PMFBP1: variants seen among roughly 807,000 people sequenced by gnomAD.
PMFBP1 encodes the protein polyamine modulated factor 1 binding protein 1.
PMFBP1 carries 131 observed loss-of-function variants against 137.8 expected under a neutral mutation model. The ratio of observed to expected loss-of-function variants is 0.95; its 90% CI spans 0.82 to 1.10. The LOEUF (loss-of-function observed/expected upper bound fraction) is 1.10. PMFBP1 is among the 50% of genes least tolerant of loss of function. PMFBP1 has a pLI of 0.00. For missense variants in PMFBP1, 1,199 were observed against 1,175.4 expected (o/e 1.02, Z -0.29); for synonymous variants, 490 against 450.4 (o/e 1.09, Z -1.11).
At chr16:72,199,084 C>T in the PMFBP1 span, among the ~76,000 whole-genome samples, 1 of 152,154 alleles carries the variant, frequency 6.6e-6, no homozygotes, top group African/African-American at 2.4e-5. Context: ...TGTGCTGTTG[C>T]AGGGAACTAG....
downstream of PMFBP1, among the ~76,000 whole-genome samples, chr16:72,117,476 C>T (rs1476590863): frequency 6.6e-6 from 1 of 152,098 alleles, no homozygotes; most frequent in Non-Finnish European, 1.5e-5. Context: ...AATTTTACTT[C>T]TTCCTTTCCA....
At chr16:72,215,350 C>T in the PMFBP1 span, among the ~76,000 whole-genome samples, 1 of 150,818 alleles carries the variant, frequency 6.6e-6, no homozygotes, top group Non-Finnish European at 1.5e-5. Flanking sequence ...GTAATAAATG[C>T]TTCCAGAGAG....
chr16:72,210,404 T>C, the PMFBP1 span, among the ~76,000 whole-genome samples: 1 of 152,118 alleles, frequency 6.6e-6, no homozygotes, highest in African/African-American at 2.4e-5. Flanking sequence ...CTTTAAAAAG[T>C]TAAATGAATC....
intron 2 of PMFBP1, among the ~76,000 whole-genome samples, chr16:72,170,328 G>C (rs1392777155): frequency 6.6e-6 from 1 of 151,990 alleles, no homozygotes; most frequent in East Asian, 1.9e-4. Flanking sequence ...CTCTTGGTAG[G>C]AGGTCTGTTA....
At chr16:72,210,467 C>T in the PMFBP1 span, among the ~76,000 whole-genome samples, 9 of 152,190 alleles carry the variant, frequency 5.9e-5, no homozygotes, top group African/African-American at 1.9e-4. Flanking sequence ...GAGAGAGCTA[C>T]ATCAAAGCCC....
At chr16:72,232,811 G>GA in the PMFBP1 span, among the ~76,000 whole-genome samples, 1 of 152,088 alleles carries the variant, frequency 6.6e-6, no homozygotes, top group Non-Finnish European at 1.5e-5. Flanking sequence ...GGGAGTTCTG[G>GA]TCAGCAAACA....
At chr16:72,202,333 T>A in the PMFBP1 span, among the ~76,000 whole-genome samples, 1 of 152,182 alleles carries the variant, frequency 6.6e-6, no homozygotes, top group Admixed American at 6.5e-5. Flanking sequence ...CACTGATGTA[T>A]CTCTTTTTAA....
At chr16:72,193,841 C>G in the PMFBP1 span, among the ~76,000 whole-genome samples, 2 of 152,198 alleles carry the variant, frequency 1.3e-5, no homozygotes, top group African/African-American at 4.8e-5. Flanking sequence ...ATCAGCATGG[C>G]GCACACATAC....
chr16:72,210,980 C>G, the PMFBP1 span, among the ~76,000 whole-genome samples: 1 of 152,138 alleles, frequency 6.6e-6, no homozygotes, highest in African/African-American at 2.4e-5. Context: ...CAAGTGGATT[C>G]TTTGCTAGGT....
chr16:72,166,111 C>A (rs1236751905), intron 2 of PMFBP1, among the ~76,000 whole-genome samples: 1 of 152,128 alleles, frequency 6.6e-6, no homozygotes. Flanking sequence ...AATCTAGGAA[C>A]TGAGGCTGGC....
chr16:72,210,891 A>T, the PMFBP1 span, among the ~76,000 whole-genome samples: 134 of 152,210 alleles, frequency 8.8e-4, no homozygotes, highest in Non-Finnish European at 1.6e-3. Context: ...TACTAAAATG[A>T]TCCAGTAGCC....
the PMFBP1 span, among the ~76,000 whole-genome samples, chr16:72,243,264 G>C: frequency 1.3e-5 from 2 of 152,134 alleles, no homozygotes; most frequent in Non-Finnish European, 2.9e-5. Context: ...GTGATGTTAT[G>C]TGCTGTCAAT....
At chr16:72,198,480 C>G in the PMFBP1 span, among the ~76,000 whole-genome samples, 2 of 152,188 alleles carry the variant, frequency 1.3e-5, no homozygotes, top group East Asian at 3.8e-4. Flanking sequence ...TAGCTTCCCT[C>G]TCCCTGCTGG....
At chr16:72,203,766 A>G in the PMFBP1 span, among the ~76,000 whole-genome samples, 2 of 152,102 alleles carry the variant, frequency 1.3e-5, no homozygotes, top group Non-Finnish European at 2.9e-5. Flanking sequence ...TCTCCTGGTA[A>G]TTTTGTAAGT....
At chr16:72,231,302 A>C in the PMFBP1 span, among the ~76,000 whole-genome samples, 1 of 152,142 alleles carries the variant, frequency 6.6e-6, no homozygotes, top group Non-Finnish European at 1.5e-5. Context: ...TCTCAAAATG[A>C]CACATACATT....
At chr16:72,206,760 AC>A in the PMFBP1 span, among the ~76,000 whole-genome samples, 1 of 152,196 alleles carries the variant, frequency 6.6e-6, no homozygotes, top group Non-Finnish European at 1.5e-5. Context: ...GCCAACGATT[AC>A]CGTAGCTAAA....
the PMFBP1 span, among the ~76,000 whole-genome samples, chr16:72,239,720 C>T: frequency 1.3e-5 from 2 of 151,534 alleles, no homozygotes; most frequent in Admixed American, 6.6e-5. Flanking sequence ...GGTGAAACCC[C>T]GTCTCTACTA....
intron 10 of PMFBP1, 164 bp downstream of exon 10, chr16:72,132,584 G>A: frequency 9.1e-7 from 1 of 1,103,248 alleles, no homozygotes; most frequent in East Asian, 2.5e-5. Context: ...CAAGAGGGCG[G>A]TGGCCACTGC....
intron 3 of PMFBP1, among the ~76,000 whole-genome samples, chr16:72,159,256 G>C (rs1302754460): frequency 6.6e-6 from 1 of 152,172 alleles, no homozygotes; most frequent in East Asian, 1.9e-4. Flanking sequence ...ACTTAGGTGT[G>C]CTCAGAATTA....
Sources: gnomAD v4.1 joint callset for allele counts (sites outside exome capture counted in the v4.1 genomes callset) on GRCh38, gnomAD v4.1.1 for gene constraint, MANE v1.5 for transcripts, NCBI Gene and HGNC (gene_info 2026-07-23, HGNC 2026-07-21) for gene names.